TMPRSS15: variants seen among roughly 807,000 people sequenced by gnomAD.
TMPRSS15 encodes transmembrane serine protease 15.
A neutral mutation model predicts 125.3 loss-of-function variants in TMPRSS15; 128 were observed. The observed-to-expected ratio is 1.02, with a 90% CI of 0.89 to 1.18. The LOEUF (loss-of-function observed/expected upper bound fraction) is 1.18. Ranked by LOEUF, TMPRSS15 falls within the 50% of genes most tolerant of loss-of-function variation. The probability of loss-of-function intolerance (pLI) is 0.00; values close to 1 mark genes in which losing one functional copy is unlikely to be tolerated. For missense variants in TMPRSS15, 1,283 were observed against 1,212.7 expected (o/e 1.06, Z -0.86); for synonymous variants, 446 against 423.2 (o/e 1.05, Z -0.66).
intron 1 of TMPRSS15, among the ~76,000 whole-genome samples, chr21:18,451,746 T>C (rs1038672337): frequency 6.6e-6 from 1 of 152,212 alleles, no homozygotes; most frequent in African/African-American, 2.4e-5. Flanking sequence ...TTCTATACTT[T>C]CCTGGTGGAA....
chr21:18,304,767 T>C (rs150150880), intron 18 of TMPRSS15, among the ~76,000 whole-genome samples: 66 of 152,312 alleles, frequency 4.3e-4, no homozygotes, highest in African/African-American at 1.5e-3. Flanking sequence ...AAGAAATATA[T>C]ATTTCCATGG....
chr21:18,420,750 A>G (rs1208420515), intron 1 of TMPRSS15, among the ~76,000 whole-genome samples: 1 of 152,160 alleles, frequency 6.6e-6, no homozygotes, highest in African/African-American at 2.4e-5. Context: ...GAGATTCACA[A>G]TGTAGATGTC....
intron 1 of TMPRSS15, among the ~76,000 whole-genome samples, chr21:18,422,677 C>T (rs895350996): frequency 6.6e-6 from 1 of 152,108 alleles, no homozygotes; most frequent in Non-Finnish European, 1.5e-5. Context: ...AAATAAATAG[C>T]CTACGGTATC....
intron 18 of TMPRSS15, among the ~76,000 whole-genome samples, chr21:18,309,116 G>A (rs2146929151): frequency 6.6e-6 from 1 of 152,210 alleles, no homozygotes; most frequent in South Asian, 2.1e-4. Flanking sequence ...CCAGTAATGG[G>A]ATTGCTGGGT....
At chr21:18,372,602 C>A (rs2075803052) in intron 5 of TMPRSS15, among the ~76,000 whole-genome samples, 1 of 152,126 alleles carries the variant, frequency 6.6e-6, no homozygotes, top group Admixed American at 6.5e-5. Flanking sequence ...AATATAGTGG[C>A]TTAAGTCAAG....
intron 24 of TMPRSS15, among the ~76,000 whole-genome samples, chr21:18,274,196 AC>A (rs1276304796): frequency 2.6e-5 from 4 of 152,162 alleles, no homozygotes; most frequent in Admixed American, 6.5e-5. Context: ...AAAACTGTTA[AC>A]ATTTTTGAGT....
chr21:18,339,689 G>GC (rs768669333), intron 13 of TMPRSS15, among the ~76,000 whole-genome samples: 2 of 151,646 alleles, frequency 1.3e-5, no homozygotes, highest in African/African-American at 4.8e-5. Context: ...AAAAAGCATT[G>GC]TTTTTTTTGC....
intron 6 of TMPRSS15, among the ~76,000 whole-genome samples, chr21:18,366,665 T>C (rs2075741068): frequency 2.0e-5 from 3 of 152,118 alleles, no homozygotes; most frequent in Admixed American, 1.3e-4. Flanking sequence ...TTCCTTCTAG[T>C]TAGTTACTTG....
At chr21:18,304,068 T>A (rs2075003906) in intron 18 of TMPRSS15, among the ~76,000 whole-genome samples, 1 of 152,220 alleles carries the variant, frequency 6.6e-6, no homozygotes, top group South Asian at 2.1e-4. Context: ...GTTGATGATA[T>A]CCTTCTCAGA....
chr21:18,289,539 A>C (rs1358483776), intron 21 of TMPRSS15, among the ~76,000 whole-genome samples: 1 of 152,356 alleles, frequency 6.6e-6, no homozygotes, highest in South Asian at 2.1e-4. Flanking sequence ...AAGTATAAAT[A>C]GTAGTCTGTA....
At chr21:18,299,330 G>T (rs2824722) in intron 18 of TMPRSS15, among the ~76,000 whole-genome samples, 64,825 of 152,094 alleles carry the variant, frequency 0.43, 15,044 homozygotes, top group African/African-American at 0.6. Context: ...CAGAACACTT[G>T]TATTTAAGGA....
intron 1 of TMPRSS15, among the ~76,000 whole-genome samples, chr21:18,440,871 G>A (rs1250736319): frequency 6.6e-6 from 1 of 152,166 alleles, no homozygotes; most frequent in East Asian, 1.9e-4. Flanking sequence ...TAATATAGTT[G>A]TTGGACTTTT....
At chr21:18,437,277 G>A (rs8134840) in intron 1 of TMPRSS15, among the ~76,000 whole-genome samples, 16,136 of 151,020 alleles carry the variant, frequency 0.11, 911 homozygotes, top group African/African-American at 0.13. Flanking sequence ...GCCATATGTA[G>A]AAAGCTGAAA....
At chr21:18,333,001 T>C (rs2075359594) in intron 13 of TMPRSS15, among the ~76,000 whole-genome samples, 1 of 151,784 alleles carries the variant, frequency 6.6e-6, no homozygotes, top group Admixed American at 6.6e-5. Flanking sequence ...GAACAGAAAA[T>C]CAAATTCTGT....
At chr21:18,294,165 G>C in intron 21 of TMPRSS15, 105 bp downstream of exon 21, 1 of 1,334,052 alleles carries the variant, frequency 7.5e-7, no homozygotes, top group Non-Finnish European at 1.1e-6. Flanking sequence ...TAAACAGCAG[G>C]ATTTCCCTGG....
At chr21:18,327,683 C>G (rs1003578976) in intron 15 of TMPRSS15, among the ~76,000 whole-genome samples, 1 of 152,060 alleles carries the variant, frequency 6.6e-6, no homozygotes, top group Non-Finnish European at 1.5e-5. Context: ...TCAGATTTTA[C>G]AATACATGAT....
intron 6 of TMPRSS15, among the ~76,000 whole-genome samples, chr21:18,369,963 C>A: frequency 1.1e-5 from 1 of 94,894 alleles, no homozygotes; most frequent in Non-Finnish European, 2.1e-5. Context: ...AGATATAATA[C>A]TTACTTAAAC....
At chr21:18,279,083 A>C in intron 22 of TMPRSS15, 24 bp from the exon 23 acceptor site, 1 of 1,172,436 alleles carries the variant, frequency 8.5e-7, no homozygotes. Context: ...CAAACAGCAA[A>C]ACGAACAAAC....
intron 3 of TMPRSS15, among the ~76,000 whole-genome samples, chr21:18,389,844 T>A (rs185455069): frequency 6.6e-6 from 1 of 152,312 alleles, no homozygotes; most frequent in East Asian, 1.9e-4. Context: ...ACCAATTATT[T>A]TGTCCTTAGG....
Sources: gnomAD v4.1 joint callset for allele counts (sites outside exome capture counted in the v4.1 genomes callset) on GRCh38, gnomAD v4.1.1 for gene constraint, MANE v1.5 for transcripts, NCBI Gene and HGNC (gene_info 2026-07-23, HGNC 2026-07-21) for gene names.